Variants in CMTM6 observed in about 807,000 individuals in gnomAD.
CMTM6 encodes the protein CKLF like MARVEL transmembrane domain containing 6.
In CMTM6, 5 loss-of-function variants were observed where a neutral mutation model predicts 13.6. The ratio of observed to expected loss-of-function variants is 0.37; its 90% confidence interval spans 0.19 to 0.77. The LOEUF is 0.77. Among genes scored for constraint, CMTM6 ranks in the 30% least tolerant of loss-of-function variants. The pLI is 0.50. For synonymous variants in CMTM6, 99 were observed against 84.5 expected, an observed-to-expected ratio of 1.17 and a Z score of -0.94; for missense variants, 196 against 218.6, an observed-to-expected ratio of 0.90 and a Z score of 0.65.
intron 1 of CMTM6, among the ~76,000 whole-genome samples, chr3:32,497,219 TA>T (rs1328964781): frequency 1.3e-5 from 2 of 150,338 alleles, no homozygotes; most frequent in African/African-American, 4.9e-5. Flanking sequence ...CCGTCTCTAC[TA>T]AAAATACAAA....
At chr3:32,488,366 G>GAAA (rs549593148) in intron 2 of CMTM6, 10 of 118,296 alleles carry the variant, frequency 8.5e-5, no homozygotes, top group Admixed American at 1.7e-4. Context: ...TCCAAAAAAA[G>GAAA]AAAAAAAAAA....
At chr3:32,493,899 A>C (rs1027278142) in intron 1 of CMTM6, among the ~76,000 whole-genome samples, 1 of 152,170 alleles carries the variant, frequency 6.6e-6, no homozygotes, top group Admixed American at 6.5e-5. Flanking sequence ...CAGGGAGAGA[A>C]GCTCGATTAC....
In CMTM6 at chr3:32,484,094, A is replaced by C. The variant is rs1697180921; in HGVS notation, c.418T>G (p.Phe140Val). The C allele has an allele frequency of 6.3e-7, 1 of 1,585,154 alleles. No homozygotes were observed. Among genetic ancestry groups the C allele is most frequent in the African/African-American group, 1.4e-5 (1 of 73,384 alleles). The change falls in exon 4 of 4, where the codon TTT (phenylalanine) becomes GTT (valine). Residue 140 changes from phenylalanine (F) to valine (V), a missense_variant. Coordinates refer to ENST00000205636, the MANE Select transcript of CMTM6 (RefSeq NM_017801.3). ...AACATAAAACTTGCTATAAATCCAA[A>C]CACCTGAGGAAAAAAAGGAGGAAAG... Reference protein sequence around the residue: ...RTSAEIAAIVFGFIASFMFLL... With the variant: ...RTSAEIAAIVVGFIASFMFLL...
chr3:32,485,659 T>C (rs1697197004), intron 3 of CMTM6, among the ~76,000 whole-genome samples: 1 of 152,252 alleles, frequency 6.6e-6, no homozygotes, highest in African/African-American at 2.4e-5. Context: ...TATTGGTTCA[T>C]GTACCCATGA....
intron 3 of CMTM6, 29 bp downstream of exon 3, chr3:32,487,909 A>C (rs1420802464): frequency 1.4e-6 from 2 of 1,480,794 alleles, no homozygotes; most frequent in Non-Finnish European, 1.9e-6. Flanking sequence ...AAACAAAAAT[A>C]AGCAATGTTA....
intron 2 of CMTM6, 85 bp downstream of exon 2, chr3:32,491,625 T>C: frequency 8.1e-7 from 1 of 1,233,226 alleles, no homozygotes; most frequent in East Asian, 2.4e-5. Flanking sequence ...TGCTGAGTTT[T>C]GAAAACATTA....
chr3:32,499,109 T>C (rs1217569082), intron 1 of CMTM6, among the ~76,000 whole-genome samples: 1 of 152,200 alleles, frequency 6.6e-6, no homozygotes, highest in East Asian at 1.9e-4. Context: ...TAAAAATCCA[T>C]TGGTCTGAAG....
chr3:32,484,591 A>G, intron 3 of CMTM6, among the ~76,000 whole-genome samples: 1 of 152,202 alleles, frequency 6.6e-6, no homozygotes, highest in East Asian at 1.9e-4. Flanking sequence ...CAGTTGTCAC[A>G]CTGCAATGAC....
intron 3 of CMTM6, 148 bp downstream of exon 3, chr3:32,487,790 G>T: frequency 1.8e-6 from 1 of 542,522 alleles, no homozygotes; most frequent in Non-Finnish European, 3.3e-6. Flanking sequence ...ATATTGATTT[G>T]CTTGTAGGTC....
rs954750561 is a variant in CMTM6, at chr3:32,483,673, T to C, written c.*287A>G. ...TGTAACAGAATGACAGAATCATTTA[T>C]CAACCGTTGAGCTGTGTGATTTAAA... On this transcript the variant is annotated 3_prime_UTR_variant, in exon 4 of 4. Transcript: ENST00000205636. The C allele has an allele frequency of 4.7e-6, 1 of 214,022 alleles. No homozygotes were observed. Among genetic ancestry groups the C allele is most frequent in the Non-Finnish European group, 9.1e-6 (1 of 109,394 alleles). The allele number at this position is 214,022 out of a possible 1,614,324, so 13.3% of individuals were successfully genotyped here.
chr3:32,484,986 T>G (rs1697190156), intron 3 of CMTM6, among the ~76,000 whole-genome samples: 1 of 151,468 alleles, frequency 6.6e-6, no homozygotes, highest in Non-Finnish European at 1.5e-5. Flanking sequence ...CCCCCAGATA[T>G]CCCCAACATA....
rs1283896220 is a variant in CMTM6, at chr3:32,502,693, G to T, written c.53C>A (p.Ala18Asp). 5.6e-5 allele frequency: 89 copies of T among 1,585,944 alleles called. No homozygotes were observed. Among genetic ancestry groups the T allele is most frequent in the Non-Finnish European group, 7.3e-5 (85 of 1,168,566 alleles). ...SPTTEEDPGPARGPRSGLAAY... is the reference protein window; with the variant it reads ...SPTTEEDPGPDRGPRSGLAAY... ...AGCGAGGCCGCTCCGGGGGCCTCTG[G>T]CGGGGCCCGGGTCCTCCTCCGTAGT... Residue 18 changes from alanine (A) to aspartate (D), a missense_variant, in exon 1 of 4, where the codon GCC (alanine) becomes GAC (aspartate). Ala to Asp is a moderately radical substitution (Grantham distance 126, BLOSUM62 -2). Coordinates refer to ENST00000205636, the MANE Select transcript of CMTM6 (RefSeq NM_017801.3).
At position 32,491,853 on chromosome 3, in the gene CMTM6, C is replaced by T. The variant is rs543319973; in HGVS notation, c.172G>A (p.Val58Ile). The T allele has an allele frequency of 6.2e-7, 1 of 1,611,704 alleles. No homozygotes were observed. Among genetic ancestry groups the T allele is most frequent in the East Asian group, 2.2e-5 (1 of 44,854 alleles). The change falls in exon 2 of 4, where the codon GTT (valine) becomes ATT (isoleucine). Residue 58 changes from valine to isoleucine, a missense_variant. Coordinates refer to ENST00000205636, the MANE Select transcript of CMTM6 (RefSeq NM_017801.3). ...LSLLAFICEE[V>I]VSQCTLCGGL... ...CCACATAAAGTACATTGTGATACAA[C>T]TTCTTCACAGATGAAGGCCAGCAGA... is the stretch of plus-strand genomic sequence containing the variant.
chr3:32,498,679 A>T (rs1161012673), intron 1 of CMTM6, among the ~76,000 whole-genome samples: 1 of 148,574 alleles, frequency 6.7e-6, no homozygotes, highest in Non-Finnish European at 1.5e-5. Flanking sequence ...GCTCACTGCA[A>T]TCTCCACCTC....
At chr3:32,495,026 A>G (rs1697279073) in intron 1 of CMTM6, among the ~76,000 whole-genome samples, 1 of 151,570 alleles carries the variant, frequency 6.6e-6, no homozygotes, top group African/African-American at 2.4e-5. Flanking sequence ...TTTTTTTGCA[A>G]TTCCTGTGAA....
Position 32,491,846 on chromosome 3 carries a change from G to A in CMTM6, c.179C>T (p.Ser60Leu). 1 of 1,612,478 alleles carries A rather than the reference G, an allele frequency of 6.2e-7. No homozygotes were observed. Among genetic ancestry groups the A allele is most frequent in the Middle Eastern group, 1.7e-4 (1 of 6,050 alleles). ...LLAFICEEVV[S>L]QCTLCGGLYF... ...AAGTCCTCCACATAAAGTACATTGT[G>A]ATACAACTTCTTCACAGATGAAGGC... The change falls in exon 2 of 4, where the codon TCA (serine) becomes TTA (leucine). Residue 60 changes from serine to leucine, a missense_variant. Ser to Leu is a moderately radical substitution (Grantham distance 145). Coordinates refer to ENST00000205636, the MANE Select transcript of CMTM6 (RefSeq NM_017801.3).
intron 1 of CMTM6, among the ~76,000 whole-genome samples, chr3:32,498,707 G>A (rs1697316859): frequency 6.6e-6 from 1 of 150,666 alleles, no homozygotes; most frequent in Non-Finnish European, 1.5e-5. Context: ...AGCCTCCTGA[G>A]TAGCTGGGAT....
In CMTM6 at chr3:32,483,947, CT is replaced by C. The variant is rs769315649; in HGVS notation, c.*12del. 1 of 1,578,562 alleles carries C rather than the reference CT, an allele frequency of 6.3e-7. No individual in the cohort carries two copies. The highest frequency in any genetic ancestry group is 2.0e-5 in the Admixed American group (1 of 50,698). On this transcript the variant is annotated 3_prime_UTR_variant, in exon 4 of 4. Transcript: ENST00000205636. ...GGGTCACTACCTTAGGTAACATCTG[CT>C]CCCCAGAGTCTTTAGGCATTAAGTG...
Position 32,482,097 on chromosome 3 carries a change from A to T in CMTM6, c.*1863T>A, listed in dbSNP as rs1171858000. 6.6e-6 allele frequency: 1 copy of T among 152,236 alleles called. No homozygotes were observed. Among genetic ancestry groups the T allele is most frequent in the Non-Finnish European group, 1.5e-5 (1 of 68,040 alleles). The allele number at this position is 152,236 out of a possible 1,614,324, so 9.4% of individuals were successfully genotyped here. ...AAACTCGTTTTCTGAATCAGTCCTT[A>T]TTCATAATTAGACCCAAAACCCAGC... On this transcript the variant is annotated 3_prime_UTR_variant, in exon 4 of 4. Transcript: ENST00000205636.
Sources: gnomAD v4.1 joint callset for allele counts (sites outside exome capture counted in the v4.1 genomes callset) on GRCh38, gnomAD v4.1.1 for gene constraint, MANE v1.5 for transcripts, NCBI Gene and HGNC (gene_info 2026-07-23, HGNC 2026-07-21) for gene names.